Variants in GPBP1 observed in about 807,000 individuals in gnomAD.
GPBP1 encodes GC-rich promoter binding protein 1, also known as vasculin.
A neutral mutation model predicts 56.5 loss-of-function variants in GPBP1; 13 were observed. The observed-to-expected ratio is 0.23, with a 90% CI of 0.15 to 0.37. GPBP1 has a LOEUF of 0.37. Among genes scored for constraint, GPBP1 ranks in the 10% least tolerant of loss-of-function variants. GPBP1 has a pLI of 1.00. For missense variants in GPBP1, 477 were observed against 572.3 expected (o/e 0.83, Z 1.70); for synonymous variants, 204 against 188.9 (o/e 1.08, Z -0.66).
intron 10 of GPBP1, among the ~76,000 whole-genome samples, chr5:57,254,003 T>C (rs1741515525): frequency 6.6e-6 from 1 of 152,140 alleles, no homozygotes; most frequent in Non-Finnish European, 1.5e-5. Context: ...AGTGGCACAG[T>C]GATGGTTCAC....
intron 5 of GPBP1, among the ~76,000 whole-genome samples, chr5:57,232,535 T>C (rs1230113455): frequency 6.6e-6 from 1 of 152,210 alleles, no homozygotes; most frequent in East Asian, 1.9e-4. Flanking sequence ...TTTACCTTTA[T>C]CAGCATTCCA....
intron 2 of GPBP1, among the ~76,000 whole-genome samples, chr5:57,200,774 CG>C (rs984302026): frequency 6.6e-6 from 1 of 152,068 alleles, no homozygotes; most frequent in African/African-American, 2.4e-5. Context: ...CTTCGCCTCC[CG>C]GGTTCACGCC....
At chr5:57,194,026 A>G (rs1172201742) in intron 2 of GPBP1, among the ~76,000 whole-genome samples, 2 of 152,196 alleles carry the variant, frequency 1.3e-5, no homozygotes, top group Non-Finnish European at 2.9e-5. Flanking sequence ...GCTTTCTAAT[A>G]CAAGTAGTAG....
chr5:57,197,828 T>C (rs1454298785), intron 2 of GPBP1, among the ~76,000 whole-genome samples: 12 of 152,168 alleles, frequency 7.9e-5, no homozygotes, highest in Admixed American at 2.0e-4. Flanking sequence ...TTTAATGATC[T>C]CTTTCATTTG....
chr5:57,207,323 A>AT (rs929734261), intron 2 of GPBP1, among the ~76,000 whole-genome samples: 2 of 151,840 alleles, frequency 1.3e-5, no homozygotes, highest in African/African-American at 2.4e-5. Context: ...AGAGTGTTGG[A>AT]TTTTTTTTCT....
At chr5:57,193,717 T>G (rs1447503175) in intron 2 of GPBP1, among the ~76,000 whole-genome samples, 1 of 152,044 alleles carries the variant, frequency 6.6e-6, no homozygotes, top group East Asian at 1.9e-4. Context: ...TGTTGGAACT[T>G]GTTTCCTGTG....
intron 2 of GPBP1, among the ~76,000 whole-genome samples, chr5:57,186,710 G>T (rs181711819): frequency 2.0e-5 from 3 of 152,226 alleles, no homozygotes; most frequent in African/African-American, 7.2e-5. Context: ...TGAGACTACA[G>T]GTATGTGCCA....
chr5:57,228,341 G>T lies in GPBP1; in HGVS notation c.64-2505G>T, dbSNP rs577949046. On this transcript the variant is annotated intron_variant, in intron 3 of 11. Transcript: ENST00000506184. ...GTGGTGGTGGCCACCTGTAGTCCCA[G>T]CTACTTGGGAGGCTGAGGCAGGAGA... Among the ~76,000 whole-genome samples the T allele has an allele frequency of 2.0e-5, 3 of 152,234 alleles. No individual in the cohort carries two copies. The South Asian group carries it at 6.2e-4, about 32-fold the overall frequency.
At chr5:57,258,176 A>G (rs1252689421) in intron 10 of GPBP1, among the ~76,000 whole-genome samples, 3 of 152,216 alleles carry the variant, frequency 2.0e-5, no homozygotes, top group African/African-American at 4.8e-5. Flanking sequence ...TGATTTGGCA[A>G]TAGTTTGAAG....
intron 10 of GPBP1, among the ~76,000 whole-genome samples, chr5:57,256,209 C>T (rs899590877): frequency 1.3e-5 from 2 of 151,980 alleles, no homozygotes; most frequent in Non-Finnish European, 2.9e-5. Context: ...GAGCTGAGAT[C>T]GCACCACTGA....
intron 2 of GPBP1, 125 bp from the exon 3 acceptor site, chr5:57,213,949 G>T: frequency 9.2e-6 from 5 of 544,850 alleles, no homozygotes; most frequent in Non-Finnish European, 1.6e-5. Flanking sequence ...CTATAGTTTT[G>T]TCTTTTCTAG....
intron 3 of GPBP1, among the ~76,000 whole-genome samples, chr5:57,226,174 C>T (rs927439361): frequency 3.3e-5 from 5 of 152,124 alleles, no homozygotes; most frequent in Non-Finnish European, 5.9e-5. Flanking sequence ...ATTTGTTGCC[C>T]TTGTAATTGT....
intron 2 of GPBP1, among the ~76,000 whole-genome samples, chr5:57,193,332 A>G (rs1754608506): frequency 1.3e-5 from 2 of 151,930 alleles, no homozygotes; most frequent in African/African-American, 4.8e-5. Flanking sequence ...GAAACTGCCT[A>G]GGCCGAGTGC....
At chr5:57,246,258 T>C (rs77378712) in intron 6 of GPBP1, 42 bp from the exon 7 acceptor site, 3 of 1,524,360 alleles carry the variant, frequency 2.0e-6, no homozygotes, top group Non-Finnish European at 2.7e-6. Context: ...ATACTAAAAC[T>C]TGAAATTGTG....
intron 2 of GPBP1, among the ~76,000 whole-genome samples, chr5:57,186,267 CCTCAGCTA>C (rs1754281533): frequency 6.6e-6 from 1 of 152,050 alleles, no homozygotes; most frequent in South Asian, 2.1e-4. Flanking sequence ...TGGTGGCATA[CCTCAGCTA>C]CTTGAGAGAC....
At chr5:57,186,583 G>A (rs1488728112) in intron 2 of GPBP1, among the ~76,000 whole-genome samples, 6 of 152,006 alleles carry the variant, frequency 3.9e-5, no homozygotes, top group Non-Finnish European at 5.9e-5. Flanking sequence ...TTTTTGGGGG[G>A]TGGGGTACAC....
intron 10 of GPBP1, among the ~76,000 whole-genome samples, chr5:57,255,506 T>C (rs1280438831): frequency 6.6e-6 from 1 of 152,252 alleles, no homozygotes; most frequent in Non-Finnish European, 1.5e-5. Context: ...GGCCTGTGTG[T>C]AGAAAGGAGA....
chr5:57,227,501 C>T (rs1213814553), intron 3 of GPBP1, among the ~76,000 whole-genome samples: 1 of 152,184 alleles, frequency 6.6e-6, no homozygotes, highest in South Asian at 2.1e-4. Context: ...GTCCCCTACA[C>T]GTTCTTGCTT....
intron 2 of GPBP1, among the ~76,000 whole-genome samples, chr5:57,207,500 ATGTTT>A (rs1484526590): frequency 2.6e-5 from 4 of 151,982 alleles, no homozygotes; most frequent in African/African-American, 9.7e-5. Flanking sequence ...CTAGGGGTGA[ATGTTT>A]ACAGCTCCTG....
Sources: allele counts gnomAD v4.1 joint callset (sites outside exome capture counted in the v4.1 genomes callset), GRCh38; gene constraint gnomAD v4.1.1; transcripts MANE v1.5; gene names NCBI Gene and HGNC (gene_info 2026-07-23, HGNC 2026-07-21).